PRIM2: variants seen among roughly 807,000 people sequenced by gnomAD.
PRIM2 encodes the protein DNA primase subunit 2.
In PRIM2, 39 loss-of-function variants were observed where a neutral mutation model predicts 67.3. The observed-to-expected ratio is 0.58, with a 90% CI of 0.45 to 0.76. The LOEUF (loss-of-function observed/expected upper bound fraction) is 0.76, where lower values mean the gene tolerates loss of function less well. Among genes scored for constraint, PRIM2 ranks in the 30% least tolerant of loss-of-function variants. PRIM2 has a pLI of 0.00. For synonymous variants in PRIM2, 143 were observed against 198.7 expected (o/e 0.72, Z 2.36); for missense variants, 398 against 598.7 (o/e 0.66, Z 3.50).
chr6:57,520,966 T>C (rs1268110032), intron 8 of PRIM2, among the ~76,000 whole-genome samples: 5 of 152,182 alleles, frequency 3.3e-5, no homozygotes. Context: ...TAAAGAAAAA[T>C]AGATCATTAT....
the PRIM2 span, among the ~76,000 whole-genome samples, chr6:57,233,017 A>G: frequency 0.014 from 2,073 of 152,328 alleles, 20 homozygotes; most frequent in Middle Eastern, 0.041. Context: ...ACTAGCAAAG[A>G]TATATTTTCT....
At position 57,489,135 on chromosome 6, in the gene PRIM2, A is replaced by T. The variant is rs1460079992; in HGVS notation, c.694-18252A>T. Among the ~76,000 whole-genome samples the T allele has an allele frequency of 7.5e-4, 88 of 118,066 alleles. 1 individual carries two copies. The highest frequency in any genetic ancestry group is 2.7e-3 in the African/African-American group (83 of 30,412). The allele number at this position is 118,066 out of a possible 152,430, so 77.5% of individuals were successfully genotyped here. On this transcript the variant is annotated intron_variant, in intron 7 of 13. Coordinates refer to ENST00000615550, the MANE Select transcript of PRIM2 (RefSeq NM_000947.5). ...AGGGTCCTTAAGCTGTAACTGAAAC[A>T]TCTCATGCTTAGGAGTATAACAGAG... is the stretch of plus-strand genomic sequence containing the variant.
At chr6:57,554,779 G>T (rs1775477983) in intron 10 of PRIM2, among the ~76,000 whole-genome samples, 1 of 152,190 alleles carries the variant, frequency 6.6e-6, no homozygotes, top group Non-Finnish European at 1.5e-5. Context: ...CTACTTCATG[G>T]TTTTTTCCTT....
At chr6:57,385,765 T>C (rs1442520895) in intron 7 of PRIM2, among the ~76,000 whole-genome samples, 4 of 152,348 alleles carry the variant, frequency 2.6e-5, no homozygotes, top group African/African-American at 7.2e-5. Flanking sequence ...GTTTATCTGA[T>C]GTTTCTGCCT....
intron 7 of PRIM2, among the ~76,000 whole-genome samples, chr6:57,500,373 G>A (rs1300881896): frequency 3.9e-5 from 6 of 152,144 alleles, no homozygotes; most frequent in African/African-American, 1.4e-4. Flanking sequence ...ATGCAAAATA[G>A]TAGAACATTC....
intron 10 of PRIM2, among the ~76,000 whole-genome samples, chr6:57,539,612 TTGTGTGTGTGTGTGTGTG>T (rs1232932730): frequency 3.2e-4 from 41 of 129,352 alleles, no homozygotes; most frequent in East Asian, 6.6e-4. Context: ...ATTATATTCT[TTGTGTGTGTGTGTGTGTG>T]TGTGTGTGTG....
intron 10 of PRIM2, among the ~76,000 whole-genome samples, chr6:57,573,211 A>G (rs1379585165): frequency 6.6e-6 from 1 of 152,248 alleles, no homozygotes; most frequent in Non-Finnish European, 1.5e-5. Flanking sequence ...TAAGCTGCAC[A>G]TCAAAATAGT....
chr6:57,541,920 A>C (rs1775164784), intron 10 of PRIM2, among the ~76,000 whole-genome samples: 1 of 151,722 alleles, frequency 6.6e-6, no homozygotes, highest in Non-Finnish European at 1.5e-5. Context: ...TGTTTGACCA[A>C]ATGTCTGGGC....
chr6:57,438,616 A>G (rs375015228), intron 7 of PRIM2, among the ~76,000 whole-genome samples: 2 of 152,210 alleles, frequency 1.3e-5, no homozygotes, highest in Non-Finnish European at 2.9e-5. Flanking sequence ...AAAAAGATCA[A>G]TTTCTGAAAC....
the PRIM2 span, among the ~76,000 whole-genome samples, chr6:57,256,011 A>G: frequency 0.11 from 13,663 of 129,102 alleles, 2,059 homozygotes; most frequent in African/African-American, 0.36. Flanking sequence ...TTAGACACGC[A>G]CACACACACA....
intron 10 of PRIM2, among the ~76,000 whole-genome samples, chr6:57,543,322 G>C (rs1290989736): frequency 1.4e-4 from 21 of 152,264 alleles, no homozygotes; most frequent in African/African-American, 5.1e-4. Context: ...AACCCAGCTC[G>C]AATGATTTGA....
At chr6:57,605,742 G>A (rs2127492731) in intron 11 of PRIM2, among the ~76,000 whole-genome samples, 1 of 152,118 alleles carries the variant, frequency 6.6e-6, no homozygotes, top group South Asian at 2.1e-4. Flanking sequence ...TTATTTATGT[G>A]AATATTTCTA....
the PRIM2 span, among the ~76,000 whole-genome samples, chr6:57,305,013 G>A: frequency 6.6e-6 from 1 of 152,156 alleles, no homozygotes; most frequent in African/African-American, 2.4e-5. Flanking sequence ...TCTCAACATT[G>A]ATCTTCAAGT....
At chr6:57,410,497 G>A (rs151225634) in intron 7 of PRIM2, among the ~76,000 whole-genome samples, 5,609 of 152,110 alleles carry the variant, frequency 0.037, 352 homozygotes, top group African/African-American at 0.13. Flanking sequence ...GTATCACTCT[G>A]TCTTGATTAT....
chr6:57,559,927 G>C (rs1435667505), intron 10 of PRIM2, among the ~76,000 whole-genome samples: 1 of 152,058 alleles, frequency 6.6e-6, no homozygotes, highest in Non-Finnish European at 1.5e-5. Context: ...GTTGATGGCT[G>C]CTGACTGATC....
At chr6:57,361,161 A>G (rs1318404298) in intron 5 of PRIM2, among the ~76,000 whole-genome samples, 2 of 152,166 alleles carry the variant, frequency 1.3e-5, no homozygotes, top group African/African-American at 4.8e-5. Context: ...ATGTAGAGGA[A>G]TAGAAGGAAA....
At chr6:57,276,324 A>G in the PRIM2 span, among the ~76,000 whole-genome samples, 3 of 152,058 alleles carry the variant, frequency 2.0e-5, no homozygotes, top group Non-Finnish European at 4.4e-5. Context: ...CGGGATGCAG[A>G]GGGTTGCAGT....
At position 57,540,293 on chromosome 6, in the gene PRIM2, CGAGA is replaced by C. The variant is rs1199962171; in HGVS notation, c.1020+2683_1020+2686del. The stretch of plus-strand genomic sequence containing the variant: ...TACACACACTCACACACACACACAG[CGAGA>C]GAGAGAGAGAGAGATGGGGGTTATG... On this transcript the variant is annotated intron_variant, in intron 10 of 13. Coordinates refer to ENST00000615550, the MANE Select transcript of PRIM2 (RefSeq NM_000947.5). Among the ~76,000 whole-genome samples the C allele has an allele frequency of 3.4e-5, 5 of 148,906 alleles. No homozygotes were observed. In the South Asian group the frequency reaches 8.5e-4, roughly 25 times the overall value.
chr6:57,533,045 C>T (rs1774925661), intron 9 of PRIM2, among the ~76,000 whole-genome samples: 1 of 152,048 alleles, frequency 6.6e-6, no homozygotes, highest in South Asian at 2.1e-4. Flanking sequence ...CCCCCATGGC[C>T]TCCTTTAATC....
Sources: gnomAD v4.1 joint callset for allele counts (sites outside exome capture counted in the v4.1 genomes callset) on GRCh38, gnomAD v4.1.1 for gene constraint, MANE v1.5 for transcripts, NCBI Gene and HGNC (gene_info 2026-07-23, HGNC 2026-07-21) for gene names.